Variants in GNA14 observed in about 807,000 individuals in gnomAD.
The protein encoded by GNA14 is G protein subunit alpha 14.
A neutral mutation model predicts 42.0 loss-of-function variants in GNA14; 50 were observed. The observed-to-expected ratio is 1.19, with a 90% CI of 0.95 to 1.51. The LOEUF is 1.51. Among genes scored for constraint, GNA14 ranks in the 40% most tolerant of loss-of-function variants. The probability of loss-of-function intolerance (pLI) is 0.00; values close to 1 mark genes in which losing one functional copy is unlikely to be tolerated. For missense variants in GNA14, 473 were observed against 446.2 expected (o/e 1.06, Z -0.54); for synonymous variants, 173 against 163.1 (o/e 1.06, Z -0.46).
At chr9:77,539,840 T>A (rs1395815011) in intron 1 of GNA14, among the ~76,000 whole-genome samples, 1 of 152,186 alleles carries the variant, frequency 6.6e-6, no homozygotes, top group Non-Finnish European at 1.5e-5. Flanking sequence ...TGTACTTCTG[T>A]CTCCTTTTTG....
intron 2 of GNA14, among the ~76,000 whole-genome samples, chr9:77,457,734 T>C (rs1025560194): frequency 6.6e-6 from 1 of 152,212 alleles, no homozygotes; most frequent in East Asian, 1.9e-4. Context: ...CTGCTACTCT[T>C]AATAAATTTT....
At chr9:77,478,442 GT>G (rs1425434621) in intron 2 of GNA14, among the ~76,000 whole-genome samples, 1 of 152,132 alleles carries the variant, frequency 6.6e-6, no homozygotes, top group Non-Finnish European at 1.5e-5. Context: ...GGACATTTGG[GT>G]TGGTTCCAAG....
chr9:77,424,129 C>G lies in GNA14; in HGVS notation c.918G>C (p.Leu306=). The change falls in exon 7 of 7, where the codon CTG becomes CTC. Residue 306 remains leucine, a synonymous_variant. Transcript: ENST00000341700. ...CAGGATTCTGATCTTGGTAAAGCTT[C>G]AGGATAAAGTCTCTGGCAGCTCTGA... is the stretch of plus-strand genomic sequence containing the variant. ...QDVRAARDFI[L]KLYQDQNPDK... is the part of the protein sequence containing the mutation. 7 of 1,612,678 alleles carry G rather than the reference C, an allele frequency of 4.3e-6. No individual in the cohort carries two copies. Among genetic ancestry groups the G allele is most frequent in the Non-Finnish European group, 5.9e-6 (7 of 1,179,240 alleles).
chr9:77,518,400 G>C (rs1413234408), intron 2 of GNA14, among the ~76,000 whole-genome samples: 4 of 151,918 alleles, frequency 2.6e-5, no homozygotes, highest in Non-Finnish European at 4.4e-5. Flanking sequence ...CAAAGCAAAG[G>C]CAAGTCTCTA....
At chr9:77,508,661 C>T (rs1837109232) in intron 2 of GNA14, among the ~76,000 whole-genome samples, 1 of 152,156 alleles carries the variant, frequency 6.6e-6, no homozygotes, top group Admixed American at 6.5e-5. Context: ...TGGCAACAAG[C>T]TCCCCAAGCA....
chr9:77,531,070 G>A (rs1431048885), intron 1 of GNA14, among the ~76,000 whole-genome samples: 1 of 152,182 alleles, frequency 6.6e-6, no homozygotes, highest in East Asian at 1.9e-4. Context: ...AAAGTGCCTT[G>A]GATACCCAGA....
intron 2 of GNA14, among the ~76,000 whole-genome samples, chr9:77,494,849 G>C (rs562289026): frequency 4.7e-4 from 71 of 152,230 alleles, no homozygotes; most frequent in African/African-American, 1.6e-3. Context: ...GCCCAGGCTG[G>C]AGTGCAGTAG....
rs747218320 is a variant in GNA14 at position 77,647,698 on chromosome 9, C to T, written c.96G>A (p.Ala32=). ...GCAGCAGCAGCTTAAGCTCACGGCG[C>T]GCGTCCTTCTTGTCCCGACGAAGCT... is the stretch of plus-strand genomic sequence containing the variant. The part of the protein sequence containing the change: ...ERQLRRDKKD[A]RRELKLLLLG... Residue 32 remains alanine (A), a synonymous_variant, in exon 1 of 7, where the codon GCG becomes GCA. Transcript: ENST00000341700. The T allele has an allele frequency of 1.2e-6, 2 of 1,610,184 alleles. No homozygotes were observed. The highest frequency in any genetic ancestry group is 2.2e-5 in the East Asian group (1 of 44,736).
intron 2 of GNA14, among the ~76,000 whole-genome samples, chr9:77,459,783 C>T (rs1470242856): frequency 2.0e-5 from 3 of 152,194 alleles, no homozygotes; most frequent in African/African-American, 7.2e-5. Context: ...CCAGACTCCC[C>T]TGACTTCCAG....
intron 1 of GNA14, among the ~76,000 whole-genome samples, chr9:77,600,092 TTAA>T (rs1206005342): frequency 1.3e-5 from 2 of 152,156 alleles, no homozygotes; most frequent in East Asian, 1.9e-4. Context: ...CTAAAATAAA[TTAA>T]TAATAATAAC....
chr9:77,479,336 T>TA (rs937632769), intron 2 of GNA14, among the ~76,000 whole-genome samples: 63 of 152,202 alleles, frequency 4.1e-4, no homozygotes, highest in African/African-American at 1.3e-3. Flanking sequence ...TGGTTGTAGA[T>TA]ATGCGGCATT....
At chr9:77,634,451 A>C (rs1824148609) in intron 1 of GNA14, among the ~76,000 whole-genome samples, 1 of 149,346 alleles carries the variant, frequency 6.7e-6, no homozygotes, top group Non-Finnish European at 1.5e-5. Context: ...AAGGAAGCGA[A>C]AGGAAAGGAA....
intron 2 of GNA14, among the ~76,000 whole-genome samples, chr9:77,440,878 G>A (rs1351217263): frequency 6.6e-6 from 1 of 151,994 alleles, no homozygotes; most frequent in Non-Finnish European, 1.5e-5. Context: ...ACCATGCCCG[G>A]CTAATTTTTG....
chr9:77,576,882 T>C (rs1823136868), intron 1 of GNA14, among the ~76,000 whole-genome samples: 1 of 152,168 alleles, frequency 6.6e-6, no homozygotes, highest in Non-Finnish European at 1.5e-5. Context: ...TACGACATTA[T>C]GAAAATATGA....
chr9:77,538,134 A>G (rs1233068022), intron 1 of GNA14, among the ~76,000 whole-genome samples: 1 of 151,274 alleles, frequency 6.6e-6, no homozygotes. Flanking sequence ...GCAGAGGTAC[A>G]ATCTTAGCTT....
chr9:77,471,293 G>T (rs1171960826), intron 2 of GNA14, among the ~76,000 whole-genome samples: 1 of 152,126 alleles, frequency 6.6e-6, no homozygotes, highest in East Asian at 1.9e-4. Context: ...TATGGGCAGG[G>T]GAGTGATGAG....
intron 2 of GNA14, among the ~76,000 whole-genome samples, chr9:77,449,826 C>T (rs1367994941): frequency 6.6e-6 from 1 of 152,214 alleles, no homozygotes; most frequent in Admixed American, 6.5e-5. Flanking sequence ...AAATAAAGTT[C>T]TTTGATGGCA....
intron 5 of GNA14, among the ~76,000 whole-genome samples, chr9:77,427,356 G>T (rs546131924): frequency 5.9e-5 from 9 of 151,406 alleles, no homozygotes; most frequent in Non-Finnish European, 1.3e-4. Context: ...AACTGAGAGG[G>T]CTGGGCGACA....
chr9:77,474,219 A>C (rs1396930668), intron 2 of GNA14, among the ~76,000 whole-genome samples: 1 of 152,246 alleles, frequency 6.6e-6, no homozygotes, highest in Non-Finnish European at 1.5e-5. Flanking sequence ...GTAAAAAGAC[A>C]ACACATAGAA....
Sources: allele counts gnomAD v4.1 joint callset (sites outside exome capture counted in the v4.1 genomes callset), GRCh38; gene constraint gnomAD v4.1.1; transcripts MANE v1.5; gene names NCBI Gene and HGNC (gene_info 2026-07-23, HGNC 2026-07-21).